The following DBX2 variants were observed in gnomAD, a reference collection of about 807,000 sequenced individuals.
DBX2 encodes homeobox protein DBX2.
DBX2 carries 16 observed loss-of-function variants against 17.7 expected under a neutral mutation model. That is an observed-to-expected ratio of 0.90 (90% confidence interval 0.61 to 1.37). DBX2 has a LOEUF of 1.37. Ranked by LOEUF, DBX2 falls within the 40% of genes most tolerant of loss-of-function variation. The pLI is 0.00. For missense variants in DBX2, 538 were observed against 433.8 expected, an observed-to-expected ratio of 1.24 and a Z score of -2.13; for synonymous variants, 255 against 183.8, an observed-to-expected ratio of 1.39 and a Z score of -3.13.
intron 2 of DBX2, among the ~76,000 whole-genome samples, chr12:45,033,857 G>T (rs943368677): frequency 6.6e-6 from 1 of 152,022 alleles, no homozygotes; most frequent in African/African-American, 2.4e-5. Context: ...AACCTCCAGG[G>T]ATAAACACTA....
intron 3 of DBX2, among the ~76,000 whole-genome samples, chr12:45,018,478 C>T (rs1376647256): frequency 6.6e-6 from 1 of 151,868 alleles, no homozygotes; most frequent in Non-Finnish European, 1.5e-5. Context: ...AATATAAAAA[C>T]GAAACTGCAA....
chr12:45,035,093 G>T (rs1224472086), intron 2 of DBX2, among the ~76,000 whole-genome samples: 1 of 152,220 alleles, frequency 6.6e-6, no homozygotes, highest in Non-Finnish European at 1.5e-5. Flanking sequence ...CACTTGTCAG[G>T]AATTATTCTG....
At chr12:45,045,416 T>C (rs1261236860) in intron 1 of DBX2, among the ~76,000 whole-genome samples, 1 of 152,236 alleles carries the variant, frequency 6.6e-6, no homozygotes, top group Admixed American at 6.5e-5. Context: ...TTGTATAAAC[T>C]TTCATAGCAA....
chr12:45,026,220 T>C (rs1194108272), intron 2 of DBX2, among the ~76,000 whole-genome samples: 1 of 152,192 alleles, frequency 6.6e-6, no homozygotes, highest in Non-Finnish European at 1.5e-5. Context: ...GCTTTTTACC[T>C]GCCAGGCCTT....
intron 1 of DBX2, among the ~76,000 whole-genome samples, chr12:45,047,792 A>C (rs1237442555): frequency 1.3e-5 from 2 of 152,162 alleles, no homozygotes; most frequent in Non-Finnish European, 2.9e-5. Context: ...GATTTTGGGC[A>C]ATTTTTTCTC....
chr12:45,017,896 ATAAT>A (rs1946331739), intron 3 of DBX2, among the ~76,000 whole-genome samples: 2 of 152,210 alleles, frequency 1.3e-5, no homozygotes, highest in African/African-American at 4.8e-5. Flanking sequence ...ACCCAAAGAA[ATAAT>A]TATTATAGCA....
At chr12:45,033,595 T>C (rs552842333) in intron 2 of DBX2, among the ~76,000 whole-genome samples, 36 of 152,310 alleles carry the variant, frequency 2.4e-4, no homozygotes, top group African/African-American at 7.5e-4. Flanking sequence ...AATTCTACCA[T>C]GTTATTATTT....
intron 2 of DBX2, among the ~76,000 whole-genome samples, chr12:45,031,764 T>A (rs552055564): frequency 6.6e-6 from 1 of 152,282 alleles, no homozygotes; most frequent in Admixed American, 6.5e-5. Context: ...TTCTGGATGG[T>A]CTATTTCCAA....
At chr12:45,029,804 T>C (rs887585459) in intron 2 of DBX2, among the ~76,000 whole-genome samples, 17 of 150,990 alleles carry the variant, frequency 1.1e-4, no homozygotes, top group South Asian at 1.0e-3. Context: ...GCACAGGTTG[T>C]AGCAAGCCGA....
chr12:45,045,175 C>G (rs544065505), intron 1 of DBX2, among the ~76,000 whole-genome samples: 1 of 151,990 alleles, frequency 6.6e-6, no homozygotes, highest in Non-Finnish European at 1.5e-5. Flanking sequence ...TGTATTTGAA[C>G]GAAAACTCAG....
In DBX2 at chr12:45,023,771, T is replaced by C; in HGVS notation, c.623A>G (p.Gln208Arg). The C allele has an allele frequency of 6.2e-7, 1 of 1,614,178 alleles. No homozygotes were observed. The highest frequency in any genetic ancestry group is 8.5e-7 in the Non-Finnish European group (1 of 1,180,040). Residue 208 changes from glutamine to arginine, a missense_variant, in exon 3 of 4, where the codon CAG (glutamine) becomes CGG (arginine). By Grantham distance (43) the Gln-to-Arg change is conservative. Coordinates refer to ENST00000332700, the MANE Select transcript of DBX2 (RefSeq NM_001004329.3). Reference sequence around the variant, plus strand: ...TCGGTCTGTTTTGCTGATATATTTCTGTTTCTGAAACATTTTCTCCAGAGC... The same window carrying C: ...TCGGTCTGTTTTGCTGATATATTTCCGTTTCTGAAACATTTTCTCCAGAGC... ...RKALEKMFQK[Q>R]KYISKTDRKK...
intron 1 of DBX2, among the ~76,000 whole-genome samples, chr12:45,039,321 A>ATATATG (rs1946458727): frequency 7.7e-5 from 8 of 103,680 alleles, no homozygotes; most frequent in Admixed American, 2.2e-4. Context: ...ATATATATAT[A>ATATATG]TGTATCACAC....
chr12:45,050,958 C>T lies in DBX2; in HGVS notation c.-31G>A, dbSNP rs767907435. Reference sequence around the variant, plus strand: ...GGCGCCAACCGGTCTGCTGCGCGCCCGCCTTGCGCCCGCCTGTCGCCCGGG... The same window carrying T: ...GGCGCCAACCGGTCTGCTGCGCGCCTGCCTTGCGCCCGCCTGTCGCCCGGG... On this transcript the variant is annotated 5_prime_UTR_variant, in exon 1 of 4. Transcript: ENST00000332700. 1.6e-4 allele frequency: 227 copies of T among 1,387,972 alleles called. 1 individual carries two copies. In the South Asian group the frequency reaches 3.3e-3, roughly 20 times the overall value. 86.0% of individuals were successfully genotyped at this position (1,387,972 alleles called of 1,614,324 possible).
intron 2 of DBX2, 58 bp downstream of exon 2, chr12:45,035,961 C>A: frequency 6.6e-7 from 1 of 1,507,630 alleles, no homozygotes; most frequent in South Asian, 1.2e-5. Context: ...CACATTAAAT[C>A]CTGCAGCTTT....
intron 3 of DBX2, among the ~76,000 whole-genome samples, chr12:45,020,986 G>T (rs1946349138): frequency 6.6e-6 from 1 of 151,814 alleles, no homozygotes; most frequent in Non-Finnish European, 1.5e-5. Flanking sequence ...ATCTTTACAG[G>T]TTTCCTTTTC....
chr12:45,039,686 C>T (rs1946461081), intron 1 of DBX2, among the ~76,000 whole-genome samples: 1 of 151,914 alleles, frequency 6.6e-6, no homozygotes, highest in Non-Finnish European at 1.5e-5. Flanking sequence ...TAACATTCGA[C>T]ACATCTGAAA....
chr12:45,027,189 A>G (rs1198419320), intron 2 of DBX2, among the ~76,000 whole-genome samples: 1 of 152,226 alleles, frequency 6.6e-6, no homozygotes, highest in Non-Finnish European at 1.5e-5. Context: ...ACGAAATAAG[A>G]TAACAAAATT....
chr12:45,046,747 G>A lies in DBX2; in HGVS notation c.403+3778C>T, dbSNP rs373046423. ...CAATTAATGGGTAAACAGTACTTGG[G>A]ATTGGGAGACAGACAAGAAAACTAG... On this transcript the variant is annotated intron_variant, in intron 1 of 3. Transcript: ENST00000332700. Among the ~76,000 whole-genome samples the A allele has an allele frequency of 2.0e-4, 30 of 152,242 alleles. No homozygotes were observed. In the South Asian group the frequency reaches 6.2e-3, roughly 32 times the overall value.
At position 45,045,693 on chromosome 12, in the gene DBX2, C is replaced by A. The variant is rs1252309070; in HGVS notation, c.403+4832G>T. ...GCAAACAAATATAAATAAAATCACC[C>A]TTGGCAATCCCTTTGTTTTTTTATT... On this transcript the variant is annotated intron_variant, in intron 1 of 3. Coordinates refer to ENST00000332700, the MANE Select transcript of DBX2 (RefSeq NM_001004329.3). 2.6e-5 allele frequency among the ~76,000 whole-genome samples: 4 copies of A among 152,104 alleles called. No individual in the cohort carries two copies. In the South Asian group the frequency reaches 6.2e-4, roughly 24 times the overall value.
Sources: allele counts gnomAD v4.1 joint callset (sites outside exome capture counted in the v4.1 genomes callset), GRCh38; gene constraint gnomAD v4.1.1; transcripts MANE v1.5; gene names NCBI Gene and HGNC (gene_info 2026-07-23, HGNC 2026-07-21).